Variants in TSC22D1 observed in about 807,000 individuals in gnomAD.
TSC22D1 encodes the protein TSC22 domain family member 1.
In TSC22D1, 9 loss-of-function variants were observed where a neutral mutation model predicts 74.2. That is an observed-to-expected ratio of 0.12 (90% confidence interval 0.07 to 0.21). The LOEUF is 0.21. Ranked by LOEUF, TSC22D1 falls within the 10% of genes least tolerant of loss-of-function variation. The probability of loss-of-function intolerance (pLI) is 1.00; values close to 1 mark genes in which losing one functional copy is unlikely to be tolerated. For synonymous variants in TSC22D1, 586 were observed against 492.5 expected (o/e 1.19, Z -2.51); for missense variants, 1,427 against 1,304.7 (o/e 1.09, Z -1.44).
At chr13:44,455,444 C>T (rs1876506901) in intron 1 of TSC22D1, among the ~76,000 whole-genome samples, 1 of 152,194 alleles carries the variant, frequency 6.6e-6, no homozygotes, top group Non-Finnish European at 1.5e-5. Context: ...CTTACTGAGA[C>T]CATCATTATG....
chr13:44,436,772 G>A, intron 1 of TSC22D1: 4 of 1,468,104 alleles, frequency 2.7e-6, no homozygotes, highest in South Asian at 1.5e-5. Flanking sequence ...CAGCTTCTAG[G>A]GCTTGATGAT....
At chr13:44,555,859 T>C (rs748422291) in intron 1 of TSC22D1, among the ~76,000 whole-genome samples, 24 of 151,846 alleles carry the variant, frequency 1.6e-4, no homozygotes, top group Admixed American at 5.9e-4. Flanking sequence ...TCTAACAAAA[T>C]GAAAAAAAAT....
chr13:44,503,470 C>G (rs1299105397), intron 1 of TSC22D1, among the ~76,000 whole-genome samples: 2 of 152,124 alleles, frequency 1.3e-5, no homozygotes, highest in Non-Finnish European at 2.9e-5. Context: ...GATTTCCACC[C>G]AAACTACAGG....
At chr13:44,436,355 A>G (rs1874624683) in intron 1 of TSC22D1, 5 of 1,166,986 alleles carry the variant, frequency 4.3e-6, no homozygotes, top group African/African-American at 1.5e-5. Context: ...ACTTGCAAAA[A>G]TAAGGTTTTT....
chr13:44,463,135 G>C (rs1877091404), intron 1 of TSC22D1, among the ~76,000 whole-genome samples: 1 of 152,132 alleles, frequency 6.6e-6, no homozygotes, highest in African/African-American at 2.4e-5. Flanking sequence ...AGTTTCTCAT[G>C]TGTTTGATTA....
intron 1 of TSC22D1, among the ~76,000 whole-genome samples, chr13:44,481,860 G>A (rs1878193538): frequency 6.6e-6 from 1 of 152,108 alleles, no homozygotes; most frequent in Non-Finnish European, 1.5e-5. Flanking sequence ...AATGTAGAAA[G>A]TATTCCTCCT....
chr13:44,471,897 T>A lies in TSC22D1; in HGVS notation c.2913-35802A>T, dbSNP rs117309828. ...GAAATAAGTCATAAATGTTAAATTA[T>A]GTGCTGAAATCCTCCCTTTGTCCAG... On this transcript the variant is annotated intron_variant, in intron 1 of 2. Transcript: ENST00000458659. Among the ~76,000 whole-genome samples, 1,307 of 152,344 alleles carry A rather than the reference T, an allele frequency of 8.6e-3. 8 individuals are homozygous for A. Among genetic ancestry groups the A allele is most frequent in the Non-Finnish European group, 0.014 (978 of 68,028 alleles).
intron 2 of TSC22D1, chr13:44,435,164 TG>T: frequency 3.1e-6 from 1 of 325,364 alleles, no homozygotes; most frequent in Non-Finnish European, 5.6e-6. Flanking sequence ...AGCCGGGCGC[TG>T]GGTCCCCGAC....
Position 44,434,289 on chromosome 13 carries a change from T to G in TSC22D1, c.*337A>C, listed in dbSNP as rs1403071651. ...TAAGCGCAAGCAGGAGAGAGAACCC[T>G]TGGAAGTGAGGGGTAGGGAGCCGGA... is the stretch of plus-strand genomic sequence containing the variant. On this transcript the variant is annotated 3_prime_UTR_variant, in exon 3 of 3. Coordinates refer to ENST00000458659, the MANE Select transcript of TSC22D1 (RefSeq NM_183422.4). 1.5e-6 allele frequency: 2 copies of G among 1,378,406 alleles called. No individual in the cohort carries two copies. The highest frequency in any genetic ancestry group is 3.0e-5 in the African/African-American group (2 of 66,772). The allele number at this position is 1,378,406 out of a possible 1,614,324, so 85.4% of individuals were successfully genotyped here.
At chr13:44,569,533 C>T (rs537436076) in intron 1 of TSC22D1, among the ~76,000 whole-genome samples, 10 of 152,114 alleles carry the variant, frequency 6.6e-5, no homozygotes, top group South Asian at 2.1e-4. Flanking sequence ...ATTATAATTT[C>T]GTATTTTAGT....
chr13:44,454,875 T>C (rs1876448383), intron 1 of TSC22D1, among the ~76,000 whole-genome samples: 1 of 152,252 alleles, frequency 6.6e-6, no homozygotes, highest in Non-Finnish European at 1.5e-5. Context: ...TGTCATGTTT[T>C]AGTAATCTTC....
intron 1 of TSC22D1, among the ~76,000 whole-genome samples, chr13:44,558,231 G>A (rs1407278638): frequency 6.6e-6 from 1 of 152,126 alleles, no homozygotes; most frequent in African/African-American, 2.4e-5. Flanking sequence ...ATCACCTAAT[G>A]GAATACTGAC....
At chr13:44,445,216 T>TACACACACACACACACACAC (rs55714213) in intron 1 of TSC22D1, among the ~76,000 whole-genome samples, 1 of 144,676 alleles carries the variant, frequency 6.9e-6, no homozygotes, top group Non-Finnish European at 1.5e-5. Context: ...AGGTCAAAGA[T>TACACACACACACACACACAC]ACACACACAC....
intron 1 of TSC22D1, among the ~76,000 whole-genome samples, chr13:44,447,686 TTC>T (rs1423433093): frequency 2.6e-5 from 4 of 152,158 alleles, no homozygotes; most frequent in Non-Finnish European, 4.4e-5. Context: ...TTCTGTATTT[TTC>T]TCTCTCTAAA....
At chr13:44,488,256 T>C (rs1878538039) in intron 1 of TSC22D1, among the ~76,000 whole-genome samples, 1 of 152,126 alleles carries the variant, frequency 6.6e-6, no homozygotes, top group Non-Finnish European at 1.5e-5. Context: ...CACACAGCTA[T>C]GAGGCCTGGA....
chr13:44,482,966 G>A (rs553964823), intron 1 of TSC22D1, among the ~76,000 whole-genome samples: 42 of 152,188 alleles, frequency 2.8e-4, no homozygotes, highest in African/African-American at 9.6e-4. Context: ...TGCTAAAGCC[G>A]GTATTTAAAC....
chr13:44,538,635 A>G (rs1365122930), intron 1 of TSC22D1: 1 of 985,290 alleles, frequency 1.0e-6, no homozygotes, highest in Non-Finnish European at 1.2e-6. Context: ...TTCCAATCTG[A>G]AAAGATTATT....
At chr13:44,470,548 CTAA>C (rs1479137325) in intron 1 of TSC22D1, among the ~76,000 whole-genome samples, 2 of 152,150 alleles carry the variant, frequency 1.3e-5, no homozygotes, top group Non-Finnish European at 2.9e-5. Flanking sequence ...AGATTTGTTT[CTAA>C]TATTTCTCAT....
In TSC22D1 at chr13:44,544,400, A is replaced by C. The variant is rs141907599; in HGVS notation, c.2912+28763T>G. Among the ~76,000 whole-genome samples, 736 of 151,916 alleles carry C rather than the reference A, an allele frequency of 4.8e-3. 7 individuals are homozygous for C. The highest frequency in any genetic ancestry group is 0.017 in the African/African-American group (704 of 41,526). On this transcript the variant is annotated intron_variant, in intron 1 of 2. Transcript: ENST00000458659. ...CAAGTTCTTCGGAATTAGTTAACTAAGGTATTGTACTGACACTGGAGGTAA... is the reference window on the plus strand; with the variant it reads ...CAAGTTCTTCGGAATTAGTTAACTACGGTATTGTACTGACACTGGAGGTAA...
Sources: allele counts gnomAD v4.1 joint callset (sites outside exome capture counted in the v4.1 genomes callset), GRCh38; gene constraint gnomAD v4.1.1; transcripts MANE v1.5; gene names NCBI Gene and HGNC (gene_info 2026-07-23, HGNC 2026-07-21).